Variants in RALB observed in about 807,000 individuals in gnomAD.
The protein encoded by RALB is ras-related protein Ral-B.
In RALB, 16 loss-of-function variants were observed where a neutral mutation model predicts 21.3. The ratio of observed to expected loss-of-function variants is 0.75; its 90% CI spans 0.51 to 1.14. The LOEUF (loss-of-function observed/expected upper bound fraction) is 1.14. RALB is among the 50% of genes most tolerant of loss of function. The pLI is 0.00. For missense variants in RALB, 161 were observed against 256.2 expected, an observed-to-expected ratio of 0.63 and a Z score of 2.54; for synonymous variants, 93 against 96.1, an observed-to-expected ratio of 0.97 and a Z score of 0.19.
intron 1 of RALB, among the ~76,000 whole-genome samples, chr2:120,259,229 TG>T (rs1329920412): frequency 6.6e-6 from 1 of 152,254 alleles, no homozygotes; most frequent in Admixed American, 6.5e-5. Context: ...TTGCCAATGC[TG>T]GCTCGGGCAG....
intron 1 of RALB, among the ~76,000 whole-genome samples, chr2:120,242,505 C>A (rs1281249209): frequency 6.6e-6 from 1 of 152,038 alleles, no homozygotes; most frequent in Non-Finnish European, 1.5e-5. Flanking sequence ...GAGGCTGAGG[C>A]GGGTTGATCA....
intron 1 of RALB, among the ~76,000 whole-genome samples, chr2:120,242,530 C>A (rs1033669027): frequency 6.6e-6 from 1 of 151,954 alleles, no homozygotes; most frequent in Admixed American, 6.5e-5. Flanking sequence ...GTCAGGAGAT[C>A]GAGACCATCC....
At chr2:120,272,307 C>G (rs1235110880) in intron 1 of RALB, among the ~76,000 whole-genome samples, 1 of 152,138 alleles carries the variant, frequency 6.6e-6, no homozygotes, top group Non-Finnish European at 1.5e-5. Flanking sequence ...AGATGTAGTT[C>G]TGAAATTGTT....
At chr2:120,263,547 A>C (rs1200423256) in intron 1 of RALB, among the ~76,000 whole-genome samples, 1 of 151,966 alleles carries the variant, frequency 6.6e-6, no homozygotes, top group Non-Finnish European at 1.5e-5. Flanking sequence ...AGTCCTAAGG[A>C]TATAGCCCTC....
At chr2:120,277,908 T>C (rs922635655) in intron 1 of RALB, among the ~76,000 whole-genome samples, 6 of 150,048 alleles carry the variant, frequency 4.0e-5, no homozygotes, top group African/African-American at 1.5e-4. Context: ...AGCGTGTGTG[T>C]GAATGTGAGT....
chr2:120,249,991 C>G (rs941116068), upstream of RALB, among the ~76,000 whole-genome samples: 1 of 152,236 alleles, frequency 6.6e-6, no homozygotes, highest in East Asian at 1.9e-4. Context: ...TTCCTCCTAC[C>G]CCCATCTTTT....
chr2:120,266,884 C>A (rs1264187125), intron 1 of RALB, among the ~76,000 whole-genome samples: 1 of 152,092 alleles, frequency 6.6e-6, no homozygotes, highest in Non-Finnish European at 1.5e-5. Flanking sequence ...TTTGGTGGGA[C>A]AAACAGACCT....
chr2:120,288,655 T>C (rs1464884028), intron 3 of RALB, among the ~76,000 whole-genome samples: 2 of 152,312 alleles, frequency 1.3e-5, no homozygotes, highest in South Asian at 4.1e-4. Flanking sequence ...TTTTTAAATA[T>C]TTAGTTTTGA....
chr2:120,254,899 C>G (rs1040565289), intron 1 of RALB, among the ~76,000 whole-genome samples: 4 of 152,202 alleles, frequency 2.6e-5, no homozygotes, highest in Admixed American at 2.6e-4. Context: ...TGGTCTCGAA[C>G]TGCTGGGCTC....
At chr2:120,260,418 G>T (rs936202384) in intron 1 of RALB, among the ~76,000 whole-genome samples, 45 of 152,268 alleles carry the variant, frequency 3.0e-4, no homozygotes, top group Admixed American at 2.6e-4. Context: ...TGAGAATCTT[G>T]TGGCAGCCCA....
intron 1 of RALB, among the ~76,000 whole-genome samples, chr2:120,273,548 T>C (rs1486020092): frequency 6.6e-6 from 1 of 152,220 alleles, no homozygotes; most frequent in Non-Finnish European, 1.5e-5. Flanking sequence ...TCCTGGCCTT[T>C]TACTAGTTTT....
At chr2:120,251,154 C>G (rs1455178375), upstream of RALB, among the ~76,000 whole-genome samples, 2 of 152,186 alleles carry the variant, frequency 1.3e-5, no homozygotes, top group Non-Finnish European at 2.9e-5. Context: ...ACCCTGTTCC[C>G]TCAACTATCA....
intron 3 of RALB, among the ~76,000 whole-genome samples, chr2:120,287,726 T>G (rs971448432): frequency 3.3e-5 from 5 of 152,198 alleles, no homozygotes; most frequent in African/African-American, 1.2e-4. Context: ...GGAGCAGGGC[T>G]CCCCTCAATG....
chr2:120,288,479 C>T (rs1397091234), intron 3 of RALB, among the ~76,000 whole-genome samples: 1 of 151,216 alleles, frequency 6.6e-6, no homozygotes, highest in Non-Finnish European at 1.5e-5. Flanking sequence ...GCCACCACGC[C>T]TAGAAAATAT....
intron 1 of RALB, among the ~76,000 whole-genome samples, chr2:120,254,759 C>T (rs965653775): frequency 2.0e-5 from 3 of 152,150 alleles, no homozygotes; most frequent in Non-Finnish European, 4.4e-5. Flanking sequence ...CTCACTGCAG[C>T]CCCCACCTCC....
chr2:120,272,407 T>G (rs1441471697), intron 1 of RALB, among the ~76,000 whole-genome samples: 4 of 152,128 alleles, frequency 2.6e-5, no homozygotes, highest in Non-Finnish European at 4.4e-5. Context: ...TACCTGCAAT[T>G]TACACTGAAA....
At chr2:120,282,373 G>A (rs1690009487) in intron 2 of RALB, among the ~76,000 whole-genome samples, 1 of 152,060 alleles carries the variant, frequency 6.6e-6, no homozygotes, top group African/African-American at 2.4e-5. Context: ...AGCTACTTGG[G>A]AGGCTGAGGC....
At chr2:120,265,932 G>A (rs1689492058) in intron 1 of RALB, among the ~76,000 whole-genome samples, 1 of 152,188 alleles carries the variant, frequency 6.6e-6, no homozygotes, top group Non-Finnish European at 1.5e-5. Flanking sequence ...GCCTCTTCAG[G>A]TAGCAGGAAC....
At chr2:120,290,632 C>CTT (rs34133052) in intron 4 of RALB, among the ~76,000 whole-genome samples, 83,883 of 148,300 alleles carry the variant, frequency 0.57, 23,898 homozygotes, top group Middle Eastern at 0.72. Flanking sequence ...TCTGGGATCT[C>CTT]TTTTTTTTTT....
Sources: gnomAD v4.1 joint callset for allele counts (sites outside exome capture counted in the v4.1 genomes callset) on GRCh38, gnomAD v4.1.1 for gene constraint, MANE v1.5 for transcripts, NCBI Gene and HGNC (gene_info 2026-07-23, HGNC 2026-07-21) for gene names.